Variants in MTHFS observed in about 807,000 individuals in gnomAD.
MTHFS encodes methenyltetrahydrofolate synthetase, also known as 5-formyltetrahydrofolate cyclo-ligase.
In MTHFS, 7 loss-of-function variants were observed where a neutral mutation model predicts 12.7. The observed-to-expected ratio is 0.55, with a 90% CI of 0.31 to 1.03. The LOEUF (loss-of-function observed/expected upper bound fraction) is 1.03, where lower values mean the gene tolerates loss of function less well. Among genes scored for constraint, MTHFS ranks in the 50% least tolerant of loss-of-function variants. MTHFS has a pLI of 0.05. For synonymous variants in MTHFS, 100 were observed against 97.1 expected (o/e 1.03, Z -0.18); for missense variants, 252 against 258.1 (o/e 0.98, Z 0.16).
At position 79,845,182 on chromosome 15, in the gene MTHFS, C is replaced by T. The variant is rs768619472; in HGVS notation, c.*28G>A. On this transcript the variant is annotated 3_prime_UTR_variant, in exon 3 of 3. Transcript: ENST00000258874. ...CTTTGCTTTACTCTCATATAAAACA[C>T]TGATTATTTGGCTGTAGTAATCCAG... 6.2e-7 allele frequency: 1 copy of T among 1,612,236 alleles called. No individual in the cohort carries two copies. The highest frequency in any genetic ancestry group is 8.5e-7 in the Non-Finnish European group (1 of 1,178,838).
intron 1 of MTHFS, among the ~76,000 whole-genome samples, chr15:79,895,780 C>T (rs968367523): frequency 6.6e-6 from 1 of 152,098 alleles, no homozygotes; most frequent in Non-Finnish European, 1.5e-5. Context: ...GAGTAAATAA[C>T]GGATAATAGA....
At chr15:79,887,246 T>C (rs1318641112) in intron 2 of MTHFS, among the ~76,000 whole-genome samples, 1 of 152,036 alleles carries the variant, frequency 6.6e-6, no homozygotes, top group Non-Finnish European at 1.5e-5. Context: ...AAAAAAAACC[T>C]GCATAAATGA....
At chr15:79,896,737 AAACGTGCGCGCGCCGGGGGG>A (rs2034580530) in intron 1 of MTHFS, 115 bp downstream of exon 1, 1 of 513,022 alleles carries the variant, frequency 1.9e-6, no homozygotes, top group Non-Finnish European at 2.7e-6. Flanking sequence ...CCGGGAGGGG[AAACGTGCGCGCGCCGGGGGG>A]TGGGGGGGCG....
At chr15:79,867,612 A>T (rs1226264490) in intron 2 of MTHFS, among the ~76,000 whole-genome samples, 1 of 144,588 alleles carries the variant, frequency 6.9e-6, no homozygotes, top group East Asian at 2.0e-4. Context: ...TGATGGTCAT[A>T]AAAAAAAAAA....
At chr15:79,866,617 G>C (rs1205013947) in intron 2 of MTHFS, among the ~76,000 whole-genome samples, 1 of 152,108 alleles carries the variant, frequency 6.6e-6, no homozygotes, top group Non-Finnish European at 1.5e-5. Flanking sequence ...AGAACACGAG[G>C]GCAAACACAC....
At chr15:79,891,963 C>A (rs1338716223) in intron 1 of MTHFS, among the ~76,000 whole-genome samples, 76 of 84,226 alleles carry the variant, frequency 9.0e-4, no homozygotes, top group African/African-American at 1.6e-3. Context: ...AACTCCATCT[C>A]AAAAAAAAAA....
intron 2 of MTHFS, among the ~76,000 whole-genome samples, chr15:79,887,805 C>G (rs1055833400): frequency 3.9e-5 from 6 of 152,146 alleles, no homozygotes; most frequent in Non-Finnish European, 8.8e-5. Flanking sequence ...CCTATTGATG[C>G]AGGACATGAA....
intron 2 of MTHFS, chr15:79,876,669 T>G (rs1331999538): frequency 6.9e-6 from 1 of 145,324 alleles, no homozygotes; most frequent in African/African-American, 2.6e-5. Context: ...TAAATGAATA[T>G]ATGACACCAA....
At chr15:79,889,817 A>G (rs1161118230) in intron 1 of MTHFS, among the ~76,000 whole-genome samples, 1 of 152,116 alleles carries the variant, frequency 6.6e-6, no homozygotes, top group Non-Finnish European at 1.5e-5. Context: ...TTAAAGCCCA[A>G]CGCAAGCCCT....
intron 2 of MTHFS, among the ~76,000 whole-genome samples, chr15:79,887,244 C>A (rs1050796780): frequency 6.6e-6 from 1 of 152,000 alleles, no homozygotes; most frequent in Admixed American, 6.5e-5. Flanking sequence ...GAAAAAAAAA[C>A]CTGCATAAAT....
intron 2 of MTHFS, among the ~76,000 whole-genome samples, chr15:79,856,483 C>G (rs1296869580): frequency 3.3e-5 from 5 of 151,874 alleles, no homozygotes; most frequent in Non-Finnish European, 7.4e-5. Flanking sequence ...GTGATTCAAT[C>G]AAGAAATAAA....
Position 79,843,959 on chromosome 15 carries a change from TCAGA to T in MTHFS, c.*1247_*1250del, listed in dbSNP as rs2033564744. 1 of 152,184 alleles carries T rather than the reference TCAGA, an allele frequency of 6.6e-6. No homozygotes were observed. The highest frequency in any genetic ancestry group is 6.5e-5 in the Admixed American group (1 of 15,280). The allele number at this position is 152,184 out of a possible 1,614,324, so 9.4% of individuals were successfully genotyped here. A position where few individuals can be genotyped will look rare whatever the true frequency, so the allele number is the denominator to read the frequency against. On this transcript the variant is annotated 3_prime_UTR_variant, in exon 3 of 3. Coordinates refer to ENST00000258874, the MANE Select transcript of MTHFS (RefSeq NM_006441.4). ...CTAGATGAACAACAGAAAGAGCATTTCAGACAGAGAGAAATGCATGCTTACTATG... is the reference window on the plus strand; with the variant it reads ...CTAGATGAACAACAGAAAGAGCATTTCAGAGAGAAATGCATGCTTACTATG...
At chr15:79,880,043 A>C (rs7166189) in intron 2 of MTHFS, among the ~76,000 whole-genome samples, 44,940 of 152,016 alleles carry the variant, frequency 0.3, 7,090 homozygotes, top group Middle Eastern at 0.38. Context: ...TACTTCATCC[A>C]ACAGTAAATT....
chr15:79,864,874 T>C (rs1298687148), intron 2 of MTHFS, among the ~76,000 whole-genome samples: 1 of 152,224 alleles, frequency 6.6e-6, no homozygotes, highest in Non-Finnish European at 1.5e-5. Context: ...GATTTCTTTT[T>C]GGCCTTAGGC....
At chr15:79,861,968 T>C (rs918443126) in intron 2 of MTHFS, among the ~76,000 whole-genome samples, 5 of 152,230 alleles carry the variant, frequency 3.3e-5, no homozygotes, top group Admixed American at 1.3e-4. Flanking sequence ...TGGGACTTTT[T>C]CTTTCATACC....
At chr15:79,866,062 AAGG>A (rs2034005507) in intron 2 of MTHFS, among the ~76,000 whole-genome samples, 2 of 148,446 alleles carry the variant, frequency 1.3e-5, no homozygotes, top group Non-Finnish European at 3.0e-5. Flanking sequence ...TTTTTTTTTT[AAGG>A]AGGAGGAACA....
chr15:79,878,857 T>G (rs1433503305), intron 2 of MTHFS, among the ~76,000 whole-genome samples: 1 of 117,032 alleles, frequency 8.5e-6, no homozygotes, highest in Non-Finnish European at 1.9e-5. Context: ...GGAAAGCTTA[T>G]TCCCTTTTTT....
At chr15:79,859,290 G>T (rs1020205432) in intron 2 of MTHFS, among the ~76,000 whole-genome samples, 1 of 152,170 alleles carries the variant, frequency 6.6e-6, no homozygotes, top group African/African-American at 2.4e-5. Flanking sequence ...GAATAATGGG[G>T]CAGGACTCAT....
At chr15:79,869,778 A>G (rs2034071943) in intron 2 of MTHFS, among the ~76,000 whole-genome samples, 1 of 152,204 alleles carries the variant, frequency 6.6e-6, no homozygotes, top group Admixed American at 6.5e-5. Context: ...TAAAATGTTA[A>G]TGATGGCAAA....
Sources: gnomAD v4.1 joint callset for allele counts (sites outside exome capture counted in the v4.1 genomes callset) on GRCh38, gnomAD v4.1.1 for gene constraint, MANE v1.5 for transcripts, NCBI Gene and HGNC (gene_info 2026-07-23, HGNC 2026-07-21) for gene names.